Variants in RP1 observed in about 807,000 individuals in gnomAD.
RP1 encodes oxygen-regulated protein 1.
RP1 carries 16 observed loss-of-function variants against 14.8 expected under a neutral mutation model. That is an observed-to-expected ratio of 1.08 (90% CI 0.73 to 1.65). The LOEUF (loss-of-function observed/expected upper bound fraction) is 1.65, where lower values mean the gene tolerates loss of function less well. RP1 is among the 40% of genes most tolerant of loss of function. RP1 has a pLI of 0.00. For missense variants in RP1, 2,631 were observed against 2,535.0 expected, an observed-to-expected ratio of 1.04 and a Z score of -0.81; for synonymous variants, 876 against 883.6, an observed-to-expected ratio of 0.99 and a Z score of 0.15.
At chr8:54,563,994 C>G (rs981109626) in intron 1 of RP1, among the ~76,000 whole-genome samples, 4 of 152,070 alleles carry the variant, frequency 2.6e-5, no homozygotes, top group African/African-American at 7.2e-5. Flanking sequence ...TAAACTCATC[C>G]CAGGAGCTAT....
intron 24 of RP1, among the ~76,000 whole-genome samples, chr8:54,792,660 C>T (rs1810493913): frequency 6.6e-6 from 1 of 151,740 alleles, no homozygotes; most frequent in African/African-American, 2.4e-5. Flanking sequence ...AATGAAAATA[C>T]AACATACCAA....
At chr8:54,624,443 C>CAAAAAAAAAAAAAAAAAAAAAAAAAAAAA (rs11332494) in intron 3 of RP1, among the ~76,000 whole-genome samples, 8 of 56,590 alleles carry the variant, frequency 1.4e-4, no homozygotes, top group Admixed American at 2.6e-4. Context: ...GACTCTGTCT[C>CAAAAAAAAAAAAAAAAAAAAAAAAAAAAA]AAAAAAAAAA....
At chr8:54,656,128 G>A in exon 6 of RP1, 2 of 1,535,266 alleles carry the variant, frequency 1.3e-6, no homozygotes, top group East Asian at 2.5e-5. Context: ...TTATGTACCT[G>A]TTCAACGATG....
chr8:54,867,253 A>G lies in RP1; in HGVS notation c.4151+1337A>G, dbSNP rs572043855. On this transcript the variant is annotated intron_variant, in intron 28 of 28. Coordinates refer to the RP1 transcript ENST00000637698. Reference sequence around the variant, plus strand: ...GTCATTCCTTTGAAACTTAATAAGGAGTTGAATTTTGTATGAACAAAATGT... The same window carrying G: ...GTCATTCCTTTGAAACTTAATAAGGGGTTGAATTTTGTATGAACAAAATGT... Among the ~76,000 whole-genome samples, 14 of 152,304 alleles carry G rather than the reference A, an allele frequency of 9.2e-5. No homozygotes were observed. In the East Asian group the frequency reaches 2.7e-3, roughly 29 times the overall value.
chr8:54,803,992 C>T (rs1810781176), intron 24 of RP1, among the ~76,000 whole-genome samples: 4 of 152,082 alleles, frequency 2.6e-5, no homozygotes, highest in Admixed American at 2.0e-4. Flanking sequence ...CGCTTGAACC[C>T]AGGAGGCGGA....
chr8:54,801,987 A>G (rs1285382557), intron 24 of RP1, among the ~76,000 whole-genome samples: 1 of 152,194 alleles, frequency 6.6e-6, no homozygotes, highest in Non-Finnish European at 1.5e-5. Context: ...GAATATTTAG[A>G]TGGGTAGTCA....
exon 15 of RP1, chr8:54,706,618 T>A (rs968695485): frequency 2.6e-6 from 4 of 1,535,918 alleles, no homozygotes; most frequent in African/African-American, 2.7e-5. Context: ...AATGCACAAA[T>A]GTATCTAAGA....
chr8:54,831,735 A>G (rs529088778), intron 24 of RP1, among the ~76,000 whole-genome samples: 66 of 151,904 alleles, frequency 4.3e-4, no homozygotes, highest in African/African-American at 1.6e-3. Context: ...TAGTATATTT[A>G]CTATATCCAT....
intron 27 of RP1, among the ~76,000 whole-genome samples, chr8:54,859,350 C>G (rs201642785): frequency 1.2e-5 from 1 of 81,880 alleles, no homozygotes; most frequent in Non-Finnish European, 2.6e-5. Flanking sequence ...GGTGGTGTCC[C>G]TGTGGAGTGT....
intron 22 of RP1, among the ~76,000 whole-genome samples, chr8:54,760,703 T>C (rs1234540236): frequency 6.6e-6 from 1 of 152,152 alleles, no homozygotes; most frequent in East Asian, 1.9e-4. Flanking sequence ...ATTAGACCCC[T>C]ATAATTACCT....
chr8:54,656,030 C>T, intron 5 of RP1: 1 of 1,319,824 alleles, frequency 7.6e-7, no homozygotes, highest in East Asian at 2.7e-5. Context: ...ACTTATTTGA[C>T]ACTTTGATAA....
intron 24 of RP1, among the ~76,000 whole-genome samples, chr8:54,802,266 A>T (rs952587682): frequency 1.3e-5 from 2 of 152,212 alleles, no homozygotes; most frequent in African/African-American, 4.8e-5. Context: ...TTTATTATAG[A>T]TTCTTTTCCT....
chr8:54,626,158 G>T lies in RP1; in HGVS notation c.2276G>T (p.Arg759Ile), dbSNP rs868697369. Reference protein sequence around the residue: ...LNSTISKNFHRNKLNTTQNSK... With the variant: ...LNSTISKNFHINKLNTTQNSK... ...TCCACGATTTCCAAGAATTTCCATAGAAATAAATTAAATACTACTCAAAAT... is the reference window on the plus strand; with the variant it reads ...TCCACGATTTCCAAGAATTTCCATATAAATAAATTAAATACTACTCAAAAT... Residue 759 changes from arginine to isoleucine, a missense_variant, in exon 4 of 4, where the codon AGA becomes ATA. Coordinates refer to ENST00000220676, the MANE Select transcript of RP1 (RefSeq NM_006269.2). 6.2e-7 allele frequency: 1 copy of T among 1,612,082 alleles called. No homozygotes were observed. Among genetic ancestry groups the T allele is most frequent in the Non-Finnish European group, 8.5e-7 (1 of 1,179,188 alleles).
chr8:54,609,154 C>T (rs1399774741), intron 1 of RP1, among the ~76,000 whole-genome samples: 1 of 152,056 alleles, frequency 6.6e-6, no homozygotes, highest in Non-Finnish European at 1.5e-5. Flanking sequence ...TAGCAAGAGC[C>T]AGGAAAGAAC....
rs546244031 is a variant in RP1, at chr8:54,723,642, A to T, written c.2390-2703A>T. 2.0e-5 allele frequency among the ~76,000 whole-genome samples: 3 copies of T among 152,230 alleles called. No homozygotes were observed. The South Asian group carries it at 6.2e-4, about 32-fold the overall frequency. On this transcript the variant is annotated intron_variant, in intron 16 of 22. Transcript: ENST00000636932. Reference sequence around the variant, plus strand: ...AGCCCATGGAGAAGATTCTCCATTGATTATCCGGATATGTGGGTGATTTGA... The same window carrying T: ...AGCCCATGGAGAAGATTCTCCATTGTTTATCCGGATATGTGGGTGATTTGA...
intron 24 of RP1, among the ~76,000 whole-genome samples, chr8:54,802,709 T>C (rs922232113): frequency 6.6e-6 from 1 of 152,184 alleles, no homozygotes; most frequent in Non-Finnish European, 1.5e-5. Context: ...GGTACAGAGC[T>C]ATGAAATGAG....
chr8:54,694,873 G>A (rs553578625), intron 12 of RP1, among the ~76,000 whole-genome samples: 1,666 of 152,126 alleles, frequency 0.011, 28 homozygotes, highest in African/African-American at 0.038. Flanking sequence ...TTTTGAATGT[G>A]TTTGCTCTTG....
Position 54,630,086 on chromosome 8 carries a change from T to C in RP1, c.6204T>C (p.Asn2068=). Residue 2068 remains asparagine, a synonymous_variant, in exon 4 of 4, where the codon AAT becomes AAC. Transcript: ENST00000220676. ...TNEIFKAVDE[N]NNLLNNRFQG... ...AAATCTTTAAAGCAGTCGATGAGAA[T>C]AACAACTTATTAAATAACAGATTCC... The C allele has an allele frequency of 6.2e-7, 1 of 1,613,964 alleles. No homozygotes were observed. The highest frequency in any genetic ancestry group is 1.1e-5 in the South Asian group (1 of 91,072).
rs1167815786 is a variant in RP1, at chr8:54,769,926, A to G, written c.*113A>G. 28 of 625,694 alleles carry G rather than the reference A, an allele frequency of 4.5e-5. No individual in the cohort carries two copies. In the Admixed American group the frequency reaches 9.3e-4, roughly 21 times the overall value. The allele number at this position is 625,694 out of a possible 1,614,324, so 38.8% of individuals were successfully genotyped here. A position where few individuals can be genotyped will look rare whatever the true frequency, so the allele number is the denominator to read the frequency against. On this transcript the variant is annotated 3_prime_UTR_variant, in exon 23 of 23. Transcript: ENST00000636932. ...TTTGATATTTATCTTTTATTATTGG[A>G]TTTATAGTATTCCTCACAGTGAAAT... is the stretch of plus-strand genomic sequence containing the variant.
Sources: allele counts gnomAD v4.1 joint callset (sites outside exome capture counted in the v4.1 genomes callset), GRCh38; gene constraint gnomAD v4.1.1; transcripts MANE v1.5; gene names NCBI Gene and HGNC (gene_info 2026-07-23, HGNC 2026-07-21).